Variants in MRPL22 observed in about 807,000 individuals in gnomAD.
MRPL22 encodes mitochondrial ribosomal protein L22, also known as large ribosomal subunit protein uL22m.
A neutral mutation model predicts 32.4 loss-of-function variants in MRPL22; 27 were observed. That is an observed-to-expected ratio of 0.83 (90% CI 0.61 to 1.15). The LOEUF is 1.15. MRPL22 is among the 50% of genes most tolerant of loss of function. The pLI, the probability that MRPL22 is intolerant of heterozygous loss-of-function variation, is 0.00. For missense variants in MRPL22, 239 were observed against 260.2 expected (o/e 0.92, Z 0.56); for synonymous variants, 86 against 87.3 (o/e 0.99, Z 0.08).
chr5:154,967,085 A>G lies in MRPL22; in HGVS notation c.*188A>G, dbSNP rs1168622087. ...TGAGCCTCTGGGCATATTTGTATGC[A>G]TTTGCGACTTGGAAGGGGAAATCAG... On this transcript the variant is annotated 3_prime_UTR_variant, in exon 7 of 7. Transcript: ENST00000523037. This position sits in a 1 kb window ranked among gnomAD's most constrained non-coding sequence, Gnocchi z 4.7. 1.5e-6 allele frequency: 1 copy of G among 664,280 alleles called. No homozygotes were observed. Among genetic ancestry groups the G allele is most frequent in the Non-Finnish European group, 2.5e-6 (1 of 404,854 alleles). The allele number at this position is 664,280 out of a possible 1,614,324, so 41.1% of individuals were successfully genotyped here. A position where few individuals can be genotyped will look rare whatever the true frequency, so the allele number is the denominator to read the frequency against.
chr5:154,954,730 T>C (rs1159467643), intron 3 of MRPL22, among the ~76,000 whole-genome samples: 1 of 152,218 alleles, frequency 6.6e-6, no homozygotes, highest in East Asian at 1.9e-4. Flanking sequence ...AGGGTAATCA[T>C]ACAAAATTAA....
intron 5 of MRPL22, chr5:154,959,270 C>T (rs1231932268): frequency 6.6e-6 from 1 of 152,378 alleles, no homozygotes; most frequent in Admixed American, 6.5e-5. Flanking sequence ...CTCAGCCTCC[C>T]AAAGTGCTGG....
At chr5:154,943,880 T>A (rs931470691) in intron 2 of MRPL22, among the ~76,000 whole-genome samples, 1 of 151,992 alleles carries the variant, frequency 6.6e-6, no homozygotes, top group Non-Finnish European at 1.5e-5. Flanking sequence ...GCCCGGCTGG[T>A]CTGAAACTCC....
chr5:154,957,285 G>A, intron 5 of MRPL22, 73 bp downstream of exon 5: 2 of 1,264,068 alleles, frequency 1.6e-6, no homozygotes, highest in Non-Finnish European at 2.3e-6. Context: ...TTATTAGTAA[G>A]CTTAGCCTAA....
At chr5:154,955,045 C>T (rs1432001093) in intron 3 of MRPL22, among the ~76,000 whole-genome samples, 4 of 152,074 alleles carry the variant, frequency 2.6e-5, no homozygotes, top group Admixed American at 6.5e-5. Context: ...CCGGCCGCCT[C>T]GGCCTCCCAA....
In MRPL22 at chr5:154,966,666, C is replaced by A; in HGVS notation, c.410-20C>A. 1 of 1,611,812 alleles carries A rather than the reference C, an allele frequency of 6.2e-7. No individual in the cohort carries two copies. Among genetic ancestry groups the A allele is most frequent in the South Asian group, 1.1e-5 (1 of 90,978 alleles). On this transcript the variant is annotated intron_variant, in intron 6 of 6. Transcript: ENST00000523037. ...TGGATAACACTCATTTCCTGTAATT[C>A]TCTTTTTCTTCCTGTTTAGCTGAGT...
At chr5:154,946,274 T>C (rs1286735666) in intron 2 of MRPL22, among the ~76,000 whole-genome samples, 1 of 152,110 alleles carries the variant, frequency 6.6e-6, no homozygotes, top group Non-Finnish European at 1.5e-5. Flanking sequence ...AGAGGCCTTA[T>C]AGATGATGTA....
At position 154,969,189 on chromosome 5, in the gene MRPL22, A is replaced by C. The variant is rs1764813095; in HGVS notation, c.*2292A>C. On this transcript the variant is annotated 3_prime_UTR_variant, in exon 7 of 7. Coordinates refer to ENST00000523037, the MANE Select transcript of MRPL22 (RefSeq NM_014180.4). ...ACCTAGTGACGGAGGGAGGTGATTG[A>C]TGATGGGTGTGGTGTACCCCATGCT... is the stretch of plus-strand genomic sequence containing the variant. The C allele has an allele frequency of 6.6e-6, 1 of 152,236 alleles. No homozygotes were observed. The highest frequency in any genetic ancestry group is 6.5e-5 in the Admixed American group (1 of 15,284). The allele number at this position is 152,236 out of a possible 1,614,324, so 9.4% of individuals were successfully genotyped here.
chr5:154,941,422 T>TC (rs369882187), intron 2 of MRPL22, among the ~76,000 whole-genome samples, 157 bp downstream of exon 2: 6 of 152,100 alleles, frequency 3.9e-5, no homozygotes, highest in African/African-American at 1.4e-4. Flanking sequence ...CTCTATTTTT[T>TC]CTCCACCTTA....
At chr5:154,946,870 C>A (rs1225564697) in intron 2 of MRPL22, among the ~76,000 whole-genome samples, 2 of 152,100 alleles carry the variant, frequency 1.3e-5, no homozygotes, top group Non-Finnish European at 2.9e-5. Context: ...GTTGCCCAGG[C>A]TGGTCTTGAA....
At chr5:154,942,369 T>G (rs1322096717) in intron 2 of MRPL22, among the ~76,000 whole-genome samples, 1 of 152,246 alleles carries the variant, frequency 6.6e-6, no homozygotes, top group Non-Finnish European at 1.5e-5. Context: ...TTATAAATTA[T>G]TACTGAGTTC....
chr5:154,966,925 A>G lies in MRPL22; in HGVS notation c.*28A>G. The stretch of plus-strand genomic sequence containing the variant: ...AGGAGATTCAGACTCCACAGTGTAT[A>G]TATTTTGCCATTTATTTTCTAAAAA... On this transcript the variant is annotated 3_prime_UTR_variant, in exon 7 of 7. Transcript: ENST00000523037. 6.5e-7 allele frequency: 1 copy of G among 1,540,028 alleles called. No homozygotes were observed. The highest frequency in any genetic ancestry group is 8.7e-7 in the Non-Finnish European group (1 of 1,143,352).
Position 154,968,774 on chromosome 5 carries a change from A to T in MRPL22, c.*1877A>T, listed in dbSNP as rs2113018207. On this transcript the variant is annotated 3_prime_UTR_variant, in exon 7 of 7. Coordinates refer to ENST00000523037, the MANE Select transcript of MRPL22 (RefSeq NM_014180.4). Reference sequence around the variant, plus strand: ...TCATAAATATAAATTATGTAAGTGAAGGCACTGCTTCAGTCAGGCTGTAAA... The same window carrying T: ...TCATAAATATAAATTATGTAAGTGATGGCACTGCTTCAGTCAGGCTGTAAA... The T allele has an allele frequency of 6.6e-6, 1 of 152,290 alleles. No individual in the cohort carries two copies. The highest frequency in any genetic ancestry group is 1.5e-5 in the Non-Finnish European group (1 of 68,032). The allele number at this position is 152,290 out of a possible 1,614,324, so 9.4% of individuals were successfully genotyped here. A position where few individuals can be genotyped will look rare whatever the true frequency, so the allele number is the denominator to read the frequency against.
At chr5:154,950,671 C>G (rs1582689530) in intron 2 of MRPL22, 150 bp from the exon 3 acceptor site, 1 of 666,332 alleles carries the variant, frequency 1.5e-6, no homozygotes, top group African/African-American at 1.8e-5. Flanking sequence ...TAAAAGTAGT[C>G]TCTATTAATG....
At chr5:154,959,750 C>T (rs184703) in intron 5 of MRPL22, among the ~76,000 whole-genome samples, 5,745 of 152,252 alleles carry the variant, frequency 0.038, 167 homozygotes, top group African/African-American at 0.081. Flanking sequence ...TTACACATGT[C>T]ATTTAAAACT....
In MRPL22 at chr5:154,969,019, T is replaced by G. The variant is rs1188948936; in HGVS notation, c.*2122T>G. ...TCCGGCTAGTTTTCGTGGCTAAGAG[T>G]GTACTTTCTAACATCCATGAACATT... On this transcript the variant is annotated 3_prime_UTR_variant, in exon 7 of 7. Coordinates refer to ENST00000523037, the MANE Select transcript of MRPL22 (RefSeq NM_014180.4). 6.6e-6 allele frequency: 1 copy of G among 152,194 alleles called. No homozygotes were observed. The highest frequency in any genetic ancestry group is 1.9e-4 in the East Asian group (1 of 5,198). 9.4% of individuals were successfully genotyped at this position (152,194 alleles called of 1,614,324 possible).
chr5:154,951,421 T>C (rs1764560147), intron 3 of MRPL22, among the ~76,000 whole-genome samples: 1 of 152,250 alleles, frequency 6.6e-6, no homozygotes, highest in East Asian at 1.9e-4. Context: ...CTTATCGTTA[T>C]CTGCACAGAA....
chr5:154,952,578 C>T (rs1157456161), intron 3 of MRPL22, among the ~76,000 whole-genome samples: 2 of 152,134 alleles, frequency 1.3e-5, no homozygotes, highest in African/African-American at 4.8e-5. Context: ...ATTATGACAT[C>T]TGGGAAATAT....
rs1401866313 is a variant in MRPL22, at chr5:154,967,952, G to GA, written c.*1061dup. The GA allele has an allele frequency of 6.6e-6, 1 of 152,054 alleles. No homozygotes were observed. The highest frequency in any genetic ancestry group is 2.4e-5 in the African/African-American group (1 of 41,406). The allele number at this position is 152,054 out of a possible 1,614,324, so 9.4% of individuals were successfully genotyped here. On this transcript the variant is annotated 3_prime_UTR_variant, in exon 7 of 7. Coordinates refer to ENST00000523037, the MANE Select transcript of MRPL22 (RefSeq NM_014180.4). The surrounding 1 kb of genome is among the most constrained non-coding windows in gnomAD (Gnocchi z 4.7). ...TTTGAGAATACGGCTTTAGGAGAATGAAAAAATGTAGTTTTATTGCCATGT... is the reference window on the plus strand; with the variant it reads ...TTTGAGAATACGGCTTTAGGAGAATGAAAAAAATGTAGTTTTATTGCCATGT...
Sources: allele counts gnomAD v4.1 joint callset (sites outside exome capture counted in the v4.1 genomes callset), GRCh38; gene constraint gnomAD v4.1.1; non-coding constraint Gnocchi (gnomAD v3.1); transcripts MANE v1.5; gene names NCBI Gene and HGNC (gene_info 2026-07-23, HGNC 2026-07-21).